Variants in BMPER observed in about 807,000 individuals in gnomAD.
BMPER encodes the protein BMP-binding endothelial regulator protein.
A neutral mutation model predicts 87.3 loss-of-function variants in BMPER; 45 were observed. The ratio of observed to expected loss-of-function variants is 0.52; its 90% CI spans 0.41 to 0.66. The LOEUF (loss-of-function observed/expected upper bound fraction) is 0.66, where lower values mean the gene tolerates loss of function less well. BMPER is among the 30% of genes least tolerant of loss of function. BMPER has a pLI of 0.00. For missense variants in BMPER, 784 were observed against 867.5 expected, an observed-to-expected ratio of 0.90 and a Z score of 1.21; for synonymous variants, 326 against 316.2, an observed-to-expected ratio of 1.03 and a Z score of -0.33.
intron 6 of BMPER, among the ~76,000 whole-genome samples, chr7:33,996,232 A>G (rs979912937): frequency 6.6e-6 from 1 of 151,884 alleles, no homozygotes; most frequent in Non-Finnish European, 1.5e-5. Context: ...TTTTTTTTTT[A>G]AATAAAAGAA....
chr7:34,095,466 C>T (rs1013517919), intron 13 of BMPER, among the ~76,000 whole-genome samples: 1 of 152,188 alleles, frequency 6.6e-6, no homozygotes, highest in Admixed American at 6.5e-5. Flanking sequence ...CTGAGATCTC[C>T]TTGGTATTTC....
At chr7:34,079,300 A>G in intron 12 of BMPER, 114 bp downstream of exon 12, 1 of 1,383,522 alleles carries the variant, frequency 7.2e-7, no homozygotes, top group East Asian at 2.4e-5. Context: ...GCAAAAACCC[A>G]AGGCAGAGCC....
At chr7:34,083,098 A>G (rs554790551) in intron 12 of BMPER, among the ~76,000 whole-genome samples, 4 of 152,320 alleles carry the variant, frequency 2.6e-5, no homozygotes, top group African/African-American at 7.2e-5. Context: ...GAAACTCACA[A>G]TGTCTTTGGC....
intron 13 of BMPER, among the ~76,000 whole-genome samples, chr7:34,098,110 A>G (rs535309922): frequency 2.0e-5 from 3 of 152,294 alleles, no homozygotes; most frequent in Non-Finnish European, 4.4e-5. Flanking sequence ...CAGAATTAGA[A>G]TCCAGAGTCA....
intron 2 of BMPER, among the ~76,000 whole-genome samples, chr7:33,909,891 A>C (rs1783916652): frequency 6.6e-6 from 1 of 152,140 alleles, no homozygotes; most frequent in Non-Finnish European, 1.5e-5. Context: ...ATTTCTGTGG[A>C]GTTTTTGAGG....
chr7:33,960,247 T>C (rs970872061), intron 3 of BMPER, among the ~76,000 whole-genome samples: 13 of 152,332 alleles, frequency 8.5e-5, no homozygotes, highest in African/African-American at 3.1e-4. Flanking sequence ...CCAGGATTCA[T>C]GGTAGGTACA....
At chr7:34,028,623 T>G (rs1787438379) in intron 6 of BMPER, among the ~76,000 whole-genome samples, 1 of 135,230 alleles carries the variant, frequency 7.4e-6, no homozygotes, top group South Asian at 2.3e-4. Context: ...TTTTTTTTTT[T>G]TTTTTTTTTT....
intron 13 of BMPER, among the ~76,000 whole-genome samples, chr7:34,140,841 A>T (rs2127994010): frequency 6.6e-6 from 1 of 152,354 alleles, no homozygotes; most frequent in South Asian, 2.1e-4. Context: ...ATCCGGGGAC[A>T]CATTTCCTCA....
At chr7:34,053,060 C>T (rs575531130) in intron 8 of BMPER, among the ~76,000 whole-genome samples, 1 of 152,288 alleles carries the variant, frequency 6.6e-6, no homozygotes, top group East Asian at 1.9e-4. Context: ...TGAAACATAT[C>T]ACACTCCCAA....
In BMPER at chr7:34,153,533, A is replaced by T; in HGVS notation, c.*260A>T. The T allele has an allele frequency of 2.3e-6, 1 of 428,334 alleles. No homozygotes were observed. The highest frequency in any genetic ancestry group is 4.3e-5 in the East Asian group (1 of 23,316). The allele number at this position is 428,334 out of a possible 1,614,324, so 26.5% of individuals were successfully genotyped here. A position where few individuals can be genotyped will look rare whatever the true frequency, so the allele number is the denominator to read the frequency against. On this transcript the variant is annotated 3_prime_UTR_variant, in exon 15 of 15. Coordinates refer to ENST00000649409, the MANE Select transcript of BMPER (RefSeq NM_001365308.1). The stretch of plus-strand genomic sequence containing the variant: ...ACCTGTAAGCCATTGAACATGTTGT[A>T]TAAATACACCAGGTGTTTTTAATTT...
chr7:34,086,999 A>G (rs1438366975), intron 13 of BMPER, among the ~76,000 whole-genome samples: 1 of 152,228 alleles, frequency 6.6e-6, no homozygotes, highest in African/African-American at 2.4e-5. Flanking sequence ...CTGAAGCCAC[A>G]GAGAGGTTAT....
At chr7:34,020,319 T>C (rs1386575783) in intron 6 of BMPER, among the ~76,000 whole-genome samples, 2 of 151,980 alleles carry the variant, frequency 1.3e-5, no homozygotes, top group African/African-American at 4.8e-5. Context: ...GGAAATCTGG[T>C]ATAGAAATAA....
intron 2 of BMPER, among the ~76,000 whole-genome samples, chr7:33,936,761 A>G (rs893841282): frequency 6.6e-6 from 1 of 152,182 alleles, no homozygotes; most frequent in East Asian, 1.9e-4. Context: ...CTTGGCATGT[A>G]GAATATTATT....
rs186783588 is a variant in BMPER, at chr7:34,145,869, G to A, written c.1876+2509G>A. ...TTCATGTCAGCATCTTCATTTCAGG[G>A]ACTGAGTCTCTGGAGCTAAAATTAC... On this transcript the variant is annotated intron_variant, in intron 14 of 14. Transcript: ENST00000649409. 3.7e-3 allele frequency among the ~76,000 whole-genome samples: 562 copies of A among 152,250 alleles called. 6 individuals carry two copies. The highest frequency in any genetic ancestry group is 6.8e-3 in the Middle Eastern group (2 of 294).
At chr7:34,092,022 T>C (rs1789398648) in intron 13 of BMPER, among the ~76,000 whole-genome samples, 1 of 152,198 alleles carries the variant, frequency 6.6e-6, no homozygotes, top group East Asian at 1.9e-4. Context: ...GGGCTGCTTC[T>C]CCTAGCCTGC....
chr7:34,065,241 T>TCTCTCTCTCTCTCTCTCC (rs1562720549), intron 11 of BMPER, among the ~76,000 whole-genome samples: 1 of 147,776 alleles, frequency 6.8e-6, no homozygotes, highest in African/African-American at 2.5e-5. Flanking sequence ...TCTCTCTCTC[T>TCTCTCTCTCTCTCTCTCC]CTCTCTCCCT....
chr7:34,147,837 CTA>C (rs1321803907), intron 14 of BMPER, among the ~76,000 whole-genome samples: 1 of 151,952 alleles, frequency 6.6e-6, no homozygotes, highest in African/African-American at 2.4e-5. Flanking sequence ...CACATCACAC[CTA>C]TGTTTTAAGA....
chr7:34,136,056 C>T (rs73322306), intron 13 of BMPER, among the ~76,000 whole-genome samples: 4 of 152,188 alleles, frequency 2.6e-5, no homozygotes, highest in African/African-American at 9.6e-5. Context: ...CCCCAGGCAG[C>T]CATAGAACCT....
chr7:33,944,396 G>A (rs1264664719), intron 3 of BMPER, among the ~76,000 whole-genome samples: 1 of 151,962 alleles, frequency 6.6e-6, no homozygotes, highest in East Asian at 1.9e-4. Context: ...CCAACTCCTG[G>A]CCTCAAGTGA....
Sources: allele counts gnomAD v4.1 joint callset (sites outside exome capture counted in the v4.1 genomes callset), GRCh38; gene constraint gnomAD v4.1.1; transcripts MANE v1.5; gene names NCBI Gene and HGNC (gene_info 2026-07-23, HGNC 2026-07-21).